The following KCTD17 variants were observed in gnomAD, a reference collection of about 807,000 sequenced individuals.
The protein encoded by KCTD17 is potassium channel tetramerization domain containing 17.
Under a neutral mutation model 41.5 loss-of-function variants are expected in KCTD17, and 20 were observed. That is an observed-to-expected ratio of 0.48 (90% CI 0.34 to 0.70). KCTD17 has a LOEUF of 0.70. Ranked by LOEUF, KCTD17 falls within the 30% of genes least tolerant of loss-of-function variation. The pLI, the probability that KCTD17 is intolerant of heterozygous loss-of-function variation, is 0.01. For synonymous variants in KCTD17, 156 were observed against 173.8 expected, an observed-to-expected ratio of 0.90 and a Z score of 0.80; for missense variants, 317 against 427.2, an observed-to-expected ratio of 0.74 and a Z score of 2.27.
chr22:37,061,713 G>A lies in KCTD17; in HGVS notation c.875+84G>A, dbSNP rs1231605491. 3.7e-5 allele frequency: 56 copies of A among 1,497,878 alleles called. No homozygotes were observed. The highest frequency in any genetic ancestry group is 4.4e-5 in the Non-Finnish European group (49 of 1,119,678). 92.8% of individuals were successfully genotyped at this position (1,497,878 alleles called of 1,614,324 possible). A position where few individuals can be genotyped will look rare whatever the true frequency, so the allele number is the denominator to read the frequency against. ...ATCCTTGGACTTGAGCCGAGCTTTC[G>A]GCTGATTATCTCCACCCACCAAAGT... On this transcript the variant is annotated intron_variant, in intron 8 of 8. Coordinates refer to ENST00000403888, the MANE Select transcript of KCTD17 (RefSeq NM_001282684.2). This position sits in a 1 kb window ranked among gnomAD's most constrained non-coding sequence, Gnocchi z 6.6.
chr22:37,051,992 C>CGCTCGCCCGACGCGGGGCTGTCGGGCCTG (rs1924541190), intron 1 of KCTD17, 43 bp downstream of exon 1: 18 of 1,359,568 alleles, frequency 1.3e-5, no homozygotes, highest in Non-Finnish European at 1.7e-5. Flanking sequence ...GTGGGTCCTC[C>CGCTCGCCCGACGCGGGGCTGTCGGGCCTG]GCTCGCCCGA....
rs1208947184 is a variant in KCTD17, at chr22:37,061,453, C to T, written c.785-86C>T. 47 of 1,515,980 alleles carry T rather than the reference C, an allele frequency of 3.1e-5. No individual in the cohort carries two copies. The highest frequency in any genetic ancestry group is 1.0e-4 in the South Asian group (8 of 80,032). The allele number at this position is 1,515,980 out of a possible 1,614,324, so 93.9% of individuals were successfully genotyped here. On this transcript the variant is annotated intron_variant, in intron 7 of 8. Coordinates refer to ENST00000403888, the MANE Select transcript of KCTD17 (RefSeq NM_001282684.2). This position sits in a 1 kb window ranked among gnomAD's most constrained non-coding sequence, Gnocchi z 6.6. ...CCTCCTCTGTGCCCACTAACCCTGC[C>T]GGGCACCTCTGAGACTGGGCCCTGG...
At position 37,061,031 on chromosome 22, in the gene KCTD17, AC is replaced by A; in HGVS notation, c.713-71del. On this transcript the variant is annotated intron_variant, in intron 6 of 8. Coordinates refer to ENST00000403888, the MANE Select transcript of KCTD17 (RefSeq NM_001282684.2). This position sits in a 1 kb window ranked among gnomAD's most constrained non-coding sequence, Gnocchi z 6.6. ...GGGGCCCCGGGGCTGCTGGGGGGGCACCAGGGTTAGCTCAGCCACTTGCCTG... is the reference window on the plus strand; with the variant it reads ...GGGGCCCCGGGGCTGCTGGGGGGGCACAGGGTTAGCTCAGCCACTTGCCTG... 6.5e-7 allele frequency: 1 copy of A among 1,549,956 alleles called. No individual in the cohort carries two copies. The highest frequency in any genetic ancestry group is 1.4e-5 in the African/African-American group (1 of 72,986).
chr22:37,059,448 C>A lies in KCTD17; in HGVS notation c.612+10C>A. On this transcript the variant is annotated intron_variant, in intron 5 of 8. Transcript: ENST00000403888. Reference sequence around the variant, plus strand: ...CAGCCGCAAAACCAAGGTGAGCCCACCCGCCTCAGCCTGTGTCCGGAGAAG... The same window carrying A: ...CAGCCGCAAAACCAAGGTGAGCCCAACCGCCTCAGCCTGTGTCCGGAGAAG... The A allele has an allele frequency of 6.2e-7, 1 of 1,603,622 alleles. No homozygotes were observed. Among genetic ancestry groups the A allele is most frequent in the Non-Finnish European group, 8.5e-7 (1 of 1,176,792 alleles).
rs2235320 is a variant in KCTD17 at position 37,057,216 on chromosome 22, G to T, written c.391-182G>T. Among the ~76,000 whole-genome samples, 14,572 of 152,268 alleles carry T rather than the reference G, an allele frequency of 0.096. 875 individuals carry two copies. The highest frequency in any genetic ancestry group is 0.15 in the South Asian group (700 of 4,826). ...GGAAGGATTAAGTGAGATGGTGCCTGGTAAATGCCTGGTGAGGAGCAGGTG... is the reference window on the plus strand; with the variant it reads ...GGAAGGATTAAGTGAGATGGTGCCTTGTAAATGCCTGGTGAGGAGCAGGTG... On this transcript the variant is annotated intron_variant, in intron 3 of 8. Coordinates refer to ENST00000403888, the MANE Select transcript of KCTD17 (RefSeq NM_001282684.2).
chr22:37,052,619 T>C (rs1349460306), intron 1 of KCTD17: 2 of 470,888 alleles, frequency 4.2e-6, no homozygotes, highest in East Asian at 1.4e-4. Flanking sequence ...CCTCTCAATG[T>C]CTCCGATCTC....
chr22:37,061,364 C>A lies in KCTD17; in HGVS notation c.785-175C>A, dbSNP rs1420721774. 2.0e-6 allele frequency: 3 copies of A among 1,475,756 alleles called. No homozygotes were observed. The highest frequency in any genetic ancestry group is 1.4e-5 in the African/African-American group (1 of 71,576). 91.4% of individuals were successfully genotyped at this position (1,475,756 alleles called of 1,614,324 possible). A position where few individuals can be genotyped will look rare whatever the true frequency, so the allele number is the denominator to read the frequency against. On this transcript the variant is annotated intron_variant, in intron 7 of 8. Transcript: ENST00000403888. This position sits in a 1 kb window ranked among gnomAD's most constrained non-coding sequence, Gnocchi z 6.6. ...CCTGCATCCCAGAGCGTCCTGCCTG[C>A]CGCCTCCTGCGCCCCTTCTGGTACC...
chr22:37,057,263 C>T, intron 3 of KCTD17, 135 bp from the exon 4 acceptor site: 1 of 742,142 alleles, frequency 1.3e-6, no homozygotes. Context: ...GCTGCCTCCC[C>T]CCAACCACCT....
rs1925928412 is a variant in KCTD17 at position 37,062,593 on chromosome 22, G to A, written c.944G>A (p.Ter315=). 6.2e-7 allele frequency: 1 copy of A among 1,612,538 alleles called. No homozygotes were observed. The highest frequency in any genetic ancestry group is 8.5e-7 in the Non-Finnish European group (1 of 1,179,434). ...CTCCAGGGACTTGGGGTTCCCATCT[G>A]AAATCCTTTATTTTTGTACCATGGG... ...DHLQGLGVPI[*] Residue 315 remains the stop codon, a stop_retained_variant, in exon 9 of 9, where the codon TGA becomes TAA. Transcript: ENST00000403888.
rs1240205699 is a variant in KCTD17 at position 37,061,406 on chromosome 22, G to T, written c.785-133G>T. On this transcript the variant is annotated intron_variant, in intron 7 of 8. Transcript: ENST00000403888. This position sits in a 1 kb window ranked among gnomAD's most constrained non-coding sequence, Gnocchi z 6.6. ...TCTGGTACCTCCTGCCTCCCAGCCT[G>T]GGGAGGAGGGGCGCAGCTGCACCTC... 6.8e-7 allele frequency: 1 copy of T among 1,474,366 alleles called. No homozygotes were observed. Among genetic ancestry groups the T allele is most frequent in the African/African-American group, 1.4e-5 (1 of 71,624 alleles). 91.3% of individuals were successfully genotyped at this position (1,474,366 alleles called of 1,614,324 possible). A position where few individuals can be genotyped will look rare whatever the true frequency, so the allele number is the denominator to read the frequency against.
In KCTD17 at chr22:37,051,753, G is replaced by C. The variant is rs113620404; in HGVS notation, c.-8G>C. On this transcript the variant is annotated 5_prime_UTR_variant, in exon 1 of 9. Coordinates refer to ENST00000403888, the MANE Select transcript of KCTD17 (RefSeq NM_001282684.2). Reference sequence around the variant, plus strand: ...CCCGGGAGGAGGATGCAGACGCCGCGGCCGGCGATGAGGATGGAGGCCGGG... The same window carrying C: ...CCCGGGAGGAGGATGCAGACGCCGCCGCCGGCGATGAGGATGGAGGCCGGG... The C allele has an allele frequency of 1.6e-6, 2 of 1,220,128 alleles. No individual in the cohort carries two copies. The highest frequency in any genetic ancestry group is 2.0e-6 in the Non-Finnish European group (2 of 980,928). 75.6% of individuals were successfully genotyped at this position (1,220,128 alleles called of 1,614,324 possible). A position where few individuals can be genotyped will look rare whatever the true frequency, so the allele number is the denominator to read the frequency against.
At chr22:37,052,462 C>T (rs1403709289) in intron 1 of KCTD17, 2 of 452,102 alleles carry the variant, frequency 4.4e-6, no homozygotes, top group East Asian at 7.0e-5. Context: ...CACTGCCTGC[C>T]GCGACCTTGA....
chr22:37,057,482 C>T lies in KCTD17; in HGVS notation c.475C>T (p.Arg159Cys), dbSNP rs140838957. Residue 159 changes from arginine (R) to cysteine (C), a missense_variant, in exon 4 of 9, where the codon CGC becomes TGC. Physicochemically the swap from Arg to Cys is radical, Grantham distance 180 (BLOSUM62 -3). This residue lies in a region of KCTD17 where 14 missense variants were observed against 42.4 expected (regional missense o/e 0.33). Coordinates refer to ENST00000403888, the MANE Select transcript of KCTD17 (RefSeq NM_001282684.2). The stretch of plus-strand genomic sequence containing the variant: ...GGTCTCCACCATGTCTGATGGCTGG[C>T]GCTTCGAGCAGGTGCGCTGGGGACA... The part of the protein sequence containing the change: ...QMVSTMSDGW[R>C]FEQLVNIGSS... 2.0e-5 allele frequency: 33 copies of T among 1,611,342 alleles called. No individual in the cohort carries two copies. In the East Asian group the frequency reaches 2.9e-4, roughly 14 times the overall value.
chr22:37,051,777 G>C lies in KCTD17; in HGVS notation c.17G>C (p.Gly6Ala). ...CGGCCGGCGATGAGGATGGAGGCCG[G>C]GGAGGCAGCGCCGCCGGCGGGGGCG... MRMEA[G>A]EAAPPAGAGG... The change falls in exon 1 of 9, where the codon GGG (glycine) becomes GCG (alanine). Residue 6 changes from glycine to alanine, a missense_variant. Gly to Ala is a moderately conservative substitution (Grantham distance 60). Transcript: ENST00000403888. 1 of 1,247,580 alleles carries C rather than the reference G, an allele frequency of 8.0e-7. No individual in the cohort carries two copies. The allele number at this position is 1,247,580 out of a possible 1,614,324, so 77.3% of individuals were successfully genotyped here.
At chr22:37,062,359 C>G (rs1925891896) in intron 8 of KCTD17, 166 bp from the exon 9 acceptor site, 1 of 984,974 alleles carries the variant, frequency 1.0e-6, no homozygotes, top group Non-Finnish European at 1.2e-6. Flanking sequence ...GGCCTCAGCC[C>G]CACCCCCTCC....
At position 37,061,373 on chromosome 22, in the gene KCTD17, G is replaced by C; in HGVS notation, c.785-166G>C. 6.8e-7 allele frequency: 1 copy of C among 1,474,490 alleles called. No homozygotes were observed. Among genetic ancestry groups the C allele is most frequent in the South Asian group, 1.4e-5 (1 of 72,928 alleles). The allele number at this position is 1,474,490 out of a possible 1,614,324, so 91.3% of individuals were successfully genotyped here. ...CAGAGCGTCCTGCCTGCCGCCTCCT[G>C]CGCCCCTTCTGGTACCTCCTGCCTC... On this transcript the variant is annotated intron_variant, in intron 7 of 8. Transcript: ENST00000403888. The surrounding 1 kb of genome is among the most constrained non-coding windows in gnomAD (Gnocchi z 6.6).
At chr22:37,056,462 G>C in intron 3 of KCTD17, 51 bp downstream of exon 3, 1 of 1,444,610 alleles carries the variant, frequency 6.9e-7, no homozygotes, top group Non-Finnish European at 9.7e-7. Context: ...AGTGGGGAGA[G>C]AGAGGCTGAG....
At chr22:37,060,596 C>T (rs923844650) in intron 5 of KCTD17, among the ~76,000 whole-genome samples, 3 of 152,200 alleles carry the variant, frequency 2.0e-5, no homozygotes, top group African/African-American at 7.2e-5. Flanking sequence ...AGGCTGACCC[C>T]GGAGCATGCC....
In KCTD17 at chr22:37,061,317, C is replaced by A. The variant is rs1399182953; in HGVS notation, c.784+142C>A. ...TCTGCCCTGGTCCCAGCCTCCCGTG[C>A]CCTCCACCCAGGCCCCCTGGCCCTG... On this transcript the variant is annotated intron_variant, in intron 7 of 8. Coordinates refer to ENST00000403888, the MANE Select transcript of KCTD17 (RefSeq NM_001282684.2). The surrounding 1 kb of genome is among the most constrained non-coding windows in gnomAD (Gnocchi z 6.6). The A allele has an allele frequency of 3.3e-6, 5 of 1,505,944 alleles. No individual in the cohort carries two copies. Among genetic ancestry groups the A allele is most frequent in the South Asian group, 1.3e-5 (1 of 78,092 alleles). 93.3% of individuals were successfully genotyped at this position (1,505,944 alleles called of 1,614,324 possible).
Sources: gnomAD v4.1 joint callset for allele counts (sites outside exome capture counted in the v4.1 genomes callset) on GRCh38, gnomAD v4.1.1 for gene constraint, gnomAD v4.1.1 regional missense constraint, Gnocchi (gnomAD v3.1) non-coding constraint, MANE v1.5 for transcripts, NCBI Gene and HGNC (gene_info 2026-07-23, HGNC 2026-07-21) for gene names.